The following ANK3 variants were observed in gnomAD, a reference collection of about 807,000 sequenced individuals.
The protein encoded by ANK3 is ankyrin 3.
A neutral mutation model predicts 370.9 loss-of-function variants in ANK3; 57 were observed. The observed-to-expected ratio is 0.15, with a 90% CI of 0.12 to 0.19. The LOEUF (loss-of-function observed/expected upper bound fraction) is 0.19. Ranked by LOEUF, ANK3 falls within the 10% of genes least tolerant of loss-of-function variation. ANK3 has a pLI of 1.00. For missense variants in ANK3, 4,439 were observed against 5,302.1 expected (o/e 0.84, Z 5.06); for synonymous variants, 1,929 against 1,946.3 (o/e 0.99, Z 0.23).
chr10:60,064,644 T>A (rs1344017601), intron 38 of ANK3, among the ~76,000 whole-genome samples: 2 of 149,330 alleles, frequency 1.3e-5, no homozygotes, highest in African/African-American at 4.9e-5. Flanking sequence ...CTGGGCAACA[T>A]GGCAAAACCC....
At chr10:60,435,901 C>T (rs768805968) in intron 2 of ANK3, among the ~76,000 whole-genome samples, 1 of 152,070 alleles carries the variant, frequency 6.6e-6, no homozygotes, top group Non-Finnish European at 1.5e-5. Flanking sequence ...AGATCGAGAC[C>T]GCGGTGAAAC....
chr10:60,089,526 A>T (rs1362693665), intron 28 of ANK3, among the ~76,000 whole-genome samples: 2 of 150,684 alleles, frequency 1.3e-5, no homozygotes, highest in African/African-American at 2.4e-5. Context: ...TGTGTTTCAA[A>T]GCCAAATTTT....
At chr10:60,405,054 G>A (rs2063425555) in intron 2 of ANK3, among the ~76,000 whole-genome samples, 1 of 152,120 alleles carries the variant, frequency 6.6e-6, no homozygotes, top group Admixed American at 6.5e-5. Flanking sequence ...AAAACAACCA[G>A]AACTCTAATA....
rs1371476805 is a variant in ANK3, at chr10:60,200,172, C to T, written c.1448G>A (p.Arg483Gln). The change falls in exon 13 of 44, where the codon CGG becomes CAG. Residue 483 changes from arginine (R) to glutamine (Q), a missense_variant. Physicochemically the swap from Arg to Gln is conservative, Grantham distance 43. Around this residue, in one of 13 missense-constraint regions of ANK3, gnomAD observed 227 missense variants for 377.6 expected, o/e 0.60. Coordinates refer to ENST00000280772, the MANE Select transcript of ANK3 (RefSeq NM_020987.5). ...CTGAGCTCCGTCTTGTACCAGATAC[C>T]GCACAACTTCAGCTTGGCCGGAGCG... ...AARSGQAEVV[R>Q]YLVQDGAQVE... 6.2e-6 allele frequency: 10 copies of T among 1,614,004 alleles called. No individual in the cohort carries two copies. Among genetic ancestry groups the T allele is most frequent in the East Asian group, 4.5e-5 (2 of 44,890 alleles).
At chr10:60,412,603 C>A (rs2063582395) in intron 2 of ANK3, among the ~76,000 whole-genome samples, 1 of 152,150 alleles carries the variant, frequency 6.6e-6, no homozygotes. Flanking sequence ...CTCCAGAACA[C>A]CCTAACTAAT....
rs117134920 is a variant in ANK3 at position 60,561,422 on chromosome 10, A to C, written c.96+53764T>G. Among the ~76,000 whole-genome samples, 825 of 152,312 alleles carry C rather than the reference A, an allele frequency of 5.4e-3. 2 individuals carry two copies. The highest frequency in any genetic ancestry group is 8.5e-3 in the Non-Finnish European group (579 of 68,026). The stretch of plus-strand genomic sequence containing the variant: ...CTTGAGAGATGTGGTTTCCTGCAAG[A>C]AGTTTTAAAATTCCTCACGTACATA... On this transcript the variant is annotated intron_variant, in intron 2 of 43. Transcript: ENST00000373827.
intron 25 of ANK3, among the ~76,000 whole-genome samples, chr10:60,122,835 G>C (rs73261139): frequency 0.041 from 6,237 of 152,216 alleles, 401 homozygotes; most frequent in African/African-American, 0.14. Flanking sequence ...CCCAGCACTG[G>C]GGCATTATAG....
intron 43 of ANK3, among the ~76,000 whole-genome samples, chr10:60,037,720 T>C (rs2131851196): frequency 6.6e-6 from 1 of 152,338 alleles, no homozygotes; most frequent in South Asian, 2.1e-4. Flanking sequence ...TTGATTCCAT[T>C]CTTTGCTATT....
intron 39 of ANK3, 140 bp downstream of exon 39, chr10:60,064,017 A>G (rs2081143938): frequency 4.1e-6 from 3 of 727,738 alleles, no homozygotes; most frequent in Admixed American, 3.9e-5. Context: ...AAGACTTGCT[A>G]TTACCTCATG....
chr10:60,264,098 C>A, intron 5 of ANK3, 78 bp from the exon 6 acceptor site: 1 of 1,200,552 alleles, frequency 8.3e-7, no homozygotes, highest in Non-Finnish European at 1.2e-6. Flanking sequence ...AAGAAGGCAA[C>A]CAAGTGACCA....
At chr10:60,581,901 GA>G (rs1316697268) in intron 2 of ANK3, among the ~76,000 whole-genome samples, 2 of 152,058 alleles carry the variant, frequency 1.3e-5, no homozygotes, top group African/African-American at 2.4e-5. Context: ...ATTGGATAAA[GA>G]AAATGTGGCA....
chr10:60,111,423 T>C (rs2092699818), intron 26 of ANK3, among the ~76,000 whole-genome samples: 1 of 152,174 alleles, frequency 6.6e-6, no homozygotes, highest in Non-Finnish European at 1.5e-5. Context: ...TATTATTTAA[T>C]AACATTATAA....
chr10:60,363,319 C>T (rs1014787507), intron 1 of ANK3, among the ~76,000 whole-genome samples: 2 of 152,158 alleles, frequency 1.3e-5, no homozygotes, highest in East Asian at 3.8e-4. Flanking sequence ...CTTCAGATTG[C>T]TTGTTTTGTG....
chr10:60,466,153 A>G (rs2133067451), intron 2 of ANK3, among the ~76,000 whole-genome samples: 1 of 152,296 alleles, frequency 6.6e-6, no homozygotes, highest in South Asian at 2.1e-4. Context: ...TATAGAAAAT[A>G]GATTATCACT....
chr10:60,722,030 G>C (rs1377229645), intron 1 of ANK3, among the ~76,000 whole-genome samples: 1 of 151,946 alleles, frequency 6.6e-6, no homozygotes, highest in Non-Finnish European at 1.5e-5. Flanking sequence ...TCAAACATCT[G>C]AATAATTTCT....
chr10:60,651,160 C>A (rs538942455), intron 1 of ANK3, among the ~76,000 whole-genome samples: 180 of 151,814 alleles, frequency 1.2e-3, no homozygotes, highest in African/African-American at 4.1e-3. Context: ...TGTACACACA[C>A]GCACACAATG....
At chr10:60,402,779 C>T (rs2132907327) in intron 2 of ANK3, among the ~76,000 whole-genome samples, 1 of 152,264 alleles carries the variant, frequency 6.6e-6, no homozygotes, top group East Asian at 1.9e-4. Context: ...GCCAGCCAAG[C>T]CCCAGCAGCA....
rs763917067 is a variant in ANK3 at position 60,076,123 on chromosome 10, T to C, written c.4758A>G (p.Ser1586=). Reference sequence around the variant, plus strand: ...AAACTTGGATATTGTATGGAGATTGTGACACCACAGTTTTTATCGGCGAAG... The same window carrying C: ...AAACTTGGATATTGTATGGAGATTGCGACACCACAGTTTTTATCGGCGAAG... The part of the protein sequence containing the change: ...TMSSPIKTVV[S]QSPYNIQVSS... Residue 1586 remains serine (S), a synonymous_variant, in exon 37 of 44, where the codon TCA becomes TCG. Coordinates refer to ENST00000280772, the MANE Select transcript of ANK3 (RefSeq NM_020987.5). The C allele has an allele frequency of 6.8e-6, 11 of 1,614,204 alleles. No homozygotes were observed. The highest frequency in any genetic ancestry group is 9.3e-6 in the Non-Finnish European group (11 of 1,180,024).
At chr10:60,343,530 G>A (rs1225992306) in intron 1 of ANK3, among the ~76,000 whole-genome samples, 3 of 152,126 alleles carry the variant, frequency 2.0e-5, no homozygotes, top group Non-Finnish European at 4.4e-5. Context: ...TCTCAAAGCA[G>A]GTTGCAATAA....
Sources: gnomAD v4.1 joint callset for allele counts (sites outside exome capture counted in the v4.1 genomes callset) on GRCh38, gnomAD v4.1.1 for gene constraint, gnomAD v4.1.1 regional missense constraint, MANE v1.5 for transcripts, NCBI Gene and HGNC (gene_info 2026-07-23, HGNC 2026-07-21) for gene names.